Variants in EFNA3 observed in about 807,000 individuals in gnomAD.
EFNA3 encodes the protein ephrin A3.
Under a neutral mutation model 25.0 loss-of-function variants are expected in EFNA3, and 15 were observed. The observed-to-expected ratio is 0.60, with a 90% CI of 0.40 to 0.92. The LOEUF (loss-of-function observed/expected upper bound fraction) is 0.92, where lower values mean the gene tolerates loss of function less well. Among genes scored for constraint, EFNA3 ranks in the 40% least tolerant of loss-of-function variants. EFNA3 has a pLI of 0.00. For synonymous variants in EFNA3, 153 were observed against 145.6 expected (o/e 1.05, Z -0.37); for missense variants, 298 against 323.8 (o/e 0.92, Z 0.61).
Position 155,085,782 on chromosome 1 carries a change from C to A in EFNA3, c.443-95C>A. On this transcript the variant is annotated intron_variant, in intron 2 of 4. Coordinates refer to ENST00000368408, the MANE Select transcript of EFNA3 (RefSeq NM_004952.5). The surrounding 1 kb of genome is among the most constrained non-coding windows in gnomAD (Gnocchi z 4.4). Reference sequence around the variant, plus strand: ...GGAGCTCCTGAAGGAGACCGCCCGACGGGGACAGTTTGGAGGGGGTGAGAA... The same window carrying A: ...GGAGCTCCTGAAGGAGACCGCCCGAAGGGGACAGTTTGGAGGGGGTGAGAA... 2.0e-6 allele frequency: 3 copies of A among 1,467,744 alleles called. No homozygotes were observed. Among genetic ancestry groups the A allele is most frequent in the South Asian group, 1.2e-5 (1 of 81,426 alleles). The allele number at this position is 1,467,744 out of a possible 1,614,324, so 90.9% of individuals were successfully genotyped here. A position where few individuals can be genotyped will look rare whatever the true frequency, so the allele number is the denominator to read the frequency against.
chr1:155,081,805 C>T lies in EFNA3; in HGVS notation c.128+2736C>T, dbSNP rs1663347262. On this transcript the variant is annotated intron_variant, in intron 1 of 4. Coordinates refer to ENST00000368408, the MANE Select transcript of EFNA3 (RefSeq NM_004952.5). The surrounding 1 kb of genome is among the most constrained non-coding windows in gnomAD (Gnocchi z 5.2). ...CGCACTGTGTCTCCCTTCCTTTCCC[C>T]TTTCAGTGAATCCGGCCTCTGCCAC... 6.6e-6 allele frequency among the ~76,000 whole-genome samples: 1 copy of T among 152,206 alleles called. No individual in the cohort carries two copies. The highest frequency in any genetic ancestry group is 1.5e-5 in the Non-Finnish European group (1 of 68,034).
Position 155,086,562 on chromosome 1 carries a change from G to C in EFNA3, c.*19G>C, listed in dbSNP as rs200136625. On this transcript the variant is annotated 3_prime_UTR_variant, in exon 5 of 5. Transcript: ENST00000368408. ...CTCCTAGCTCTGCCCCCTCCCCTGG[G>C]GGGGGAGAGATGGGGCGGGGCTTGG... 100 of 1,612,346 alleles carry C rather than the reference G, an allele frequency of 6.2e-5. 1 individual carries two copies. The East Asian group carries it at 1.5e-3, about 25-fold the overall frequency.
chr1:155,085,622 C>T lies in EFNA3; in HGVS notation c.442+218C>T. 1.4e-6 allele frequency: 1 copy of T among 699,956 alleles called. No individual in the cohort carries two copies. Among genetic ancestry groups the T allele is most frequent in the Non-Finnish European group, 2.3e-6 (1 of 428,674 alleles). 43.4% of individuals were successfully genotyped at this position (699,956 alleles called of 1,614,324 possible). ...GTTTGGTGACAGTCCCAAGTTTGGGCTGCGGAGAATCGCTGTTTCTGTGAG... is the reference window on the plus strand; with the variant it reads ...GTTTGGTGACAGTCCCAAGTTTGGGTTGCGGAGAATCGCTGTTTCTGTGAG... On this transcript the variant is annotated intron_variant, in intron 2 of 4. Coordinates refer to ENST00000368408, the MANE Select transcript of EFNA3 (RefSeq NM_004952.5). This position sits in a 1 kb window ranked among gnomAD's most constrained non-coding sequence, Gnocchi z 4.4.
intron 1 of EFNA3, among the ~76,000 whole-genome samples, chr1:155,084,390 G>T (rs1051816398): frequency 1.6e-4 from 24 of 152,352 alleles, no homozygotes; most frequent in African/African-American, 4.1e-4. Context: ...CCAGATTGGT[G>T]GGGTCAACCA....
At chr1:155,083,818 G>A (rs979172951) in intron 1 of EFNA3, among the ~76,000 whole-genome samples, 3 of 152,208 alleles carry the variant, frequency 2.0e-5, no homozygotes, top group East Asian at 1.9e-4. Context: ...TAGGGACCCC[G>A]TGGTATGACA....
intron 1 of EFNA3, among the ~76,000 whole-genome samples, chr1:155,082,322 G>A (rs1663358356): frequency 1.3e-5 from 2 of 152,214 alleles, no homozygotes; most frequent in South Asian, 4.1e-4. Context: ...GCTGGGGGTG[G>A]AGGATGGCGA....
At position 155,086,795 on chromosome 1, in the gene EFNA3, TGGG is replaced by T. The variant is rs1309153455; in HGVS notation, c.*255_*257del. Reference sequence around the variant, plus strand: ...CTCTGGTAATGTTTGGTACCAAACTTGGGGGCCAAAAAGGGCAGTGCTCAGGAC... The same window carrying T: ...CTCTGGTAATGTTTGGTACCAAACTTGGCCAAAAAGGGCAGTGCTCAGGAC... On this transcript the variant is annotated 3_prime_UTR_variant, in exon 5 of 5. Coordinates refer to ENST00000368408, the MANE Select transcript of EFNA3 (RefSeq NM_004952.5). The T allele has an allele frequency of 4.3e-6, 2 of 469,736 alleles. No homozygotes were observed. The highest frequency in any genetic ancestry group is 7.6e-6 in the Non-Finnish European group (2 of 262,698). The allele number at this position is 469,736 out of a possible 1,614,324, so 29.1% of individuals were successfully genotyped here.
At chr1:155,086,102 C>G (rs1467370053) in intron 3 of EFNA3, 26 bp from the exon 4 acceptor site, 1 of 1,603,768 alleles carries the variant, frequency 6.2e-7, no homozygotes, top group Admixed American at 1.7e-5. Flanking sequence ...CCCCTCCTCT[C>G]TCCCCACCCG....
At position 155,080,948 on chromosome 1, in the gene EFNA3, G is replaced by A. The variant is rs1002622754; in HGVS notation, c.128+1879G>A. Among the ~76,000 whole-genome samples, 4 of 152,100 alleles carry A rather than the reference G, an allele frequency of 2.6e-5. No homozygotes were observed. Among genetic ancestry groups the A allele is most frequent in the Non-Finnish European group, 4.4e-5 (3 of 67,990 alleles). ...CGGCCCCATAAATCGTGAGAGCGAC[G>A]TGCTCCGGAGCCGAGAATGGAGAGG... On this transcript the variant is annotated intron_variant, in intron 1 of 4. Transcript: ENST00000368408. The surrounding 1 kb of genome is among the most constrained non-coding windows in gnomAD (Gnocchi z 7.0).
At position 155,085,487 on chromosome 1, in the gene EFNA3, C is replaced by G; in HGVS notation, c.442+83C>G. The stretch of plus-strand genomic sequence containing the variant: ...GGGGTGGAGCCCCTAGGCTCCGGGG[C>G]GGGGCCGGCGCGGCGGGCGCCAGGT... On this transcript the variant is annotated intron_variant, in intron 2 of 4. Coordinates refer to ENST00000368408, the MANE Select transcript of EFNA3 (RefSeq NM_004952.5). This position sits in a 1 kb window ranked among gnomAD's most constrained non-coding sequence, Gnocchi z 4.4. 1 of 1,433,028 alleles carries G rather than the reference C, an allele frequency of 7.0e-7. No homozygotes were observed. Among genetic ancestry groups the G allele is most frequent in the South Asian group, 1.5e-5 (1 of 68,226 alleles). The allele number at this position is 1,433,028 out of a possible 1,614,324, so 88.8% of individuals were successfully genotyped here.
At chr1:155,082,762 G>T (rs1437439425) in intron 1 of EFNA3, among the ~76,000 whole-genome samples, 1 of 152,090 alleles carries the variant, frequency 6.6e-6, no homozygotes, top group Non-Finnish European at 1.5e-5. Context: ...CGCGGCCCTA[G>T]AGGCGGGGTT....
At chr1:155,084,524 C>T (rs1448046805) in intron 1 of EFNA3, among the ~76,000 whole-genome samples, 1 of 152,240 alleles carries the variant, frequency 6.6e-6, no homozygotes, top group Non-Finnish European at 1.5e-5. Flanking sequence ...CATGAAGCCG[C>T]CATACATGCG....
intron 1 of EFNA3, among the ~76,000 whole-genome samples, chr1:155,082,470 G>A (rs1373374616): frequency 6.6e-6 from 1 of 152,180 alleles, no homozygotes; most frequent in Non-Finnish European, 1.5e-5. Context: ...TGCCCCCTCC[G>A]CGGACACTCC....
In EFNA3 at chr1:155,085,283, C is replaced by T. The variant is rs140391461; in HGVS notation, c.321C>T (p.Arg107=). The change falls in exon 2 of 5, where the codon CGC becomes CGT. Residue 107 remains arginine, a synonymous_variant. Coordinates refer to ENST00000368408, the MANE Select transcript of EFNA3 (RefSeq NM_004952.5). This position sits in a 1 kb window ranked among gnomAD's most constrained non-coding sequence, Gnocchi z 4.4. The part of the protein sequence containing the change: ...RTCNASQGFK[R]WECNRPHAPH... ...GCAACGCCAGCCAGGGCTTCAAGCG[C>T]TGGGAGTGCAACCGGCCGCACGCCC... The T allele has an allele frequency of 1.2e-6, 2 of 1,612,962 alleles. No homozygotes were observed. Among genetic ancestry groups the T allele is most frequent in the Non-Finnish European group, 1.7e-6 (2 of 1,179,660 alleles).
rs1241417130 is a variant in EFNA3, at chr1:155,080,748, G to A, written c.128+1679G>A. On this transcript the variant is annotated intron_variant, in intron 1 of 4. Transcript: ENST00000368408. This position sits in a 1 kb window ranked among gnomAD's most constrained non-coding sequence, Gnocchi z 7.0. ...GGTGAAAGCTCAGGGAGCGGGTGGG[G>A]GAGCCCGGGTTCCGGGAGCCTCCTT... Among the ~76,000 whole-genome samples, 2 of 152,190 alleles carry A rather than the reference G, an allele frequency of 1.3e-5. No homozygotes were observed. Among genetic ancestry groups the A allele is most frequent in the Non-Finnish European group, 2.9e-5 (2 of 68,016 alleles).
Position 155,085,325 on chromosome 1 carries a change from G to C in EFNA3, c.363G>C (p.Lys121Asn). The C allele has an allele frequency of 6.2e-7, 1 of 1,613,110 alleles. No individual in the cohort carries two copies. The highest frequency in any genetic ancestry group is 8.5e-7 in the Non-Finnish European group (1 of 1,179,576). Reference sequence around the variant, plus strand: ...CGCACGCCCCGCACAGCCCCATCAAGTTCTCGGAGAAGTTCCAGCGCTACA... The same window carrying C: ...CGCACGCCCCGCACAGCCCCATCAACTTCTCGGAGAAGTTCCAGCGCTACA... Reference protein sequence around the residue: ...NRPHAPHSPIKFSEKFQRYSA... With the variant: ...NRPHAPHSPINFSEKFQRYSA... Residue 121 changes from lysine to asparagine, a missense_variant, in exon 2 of 5, where the codon AAG (lysine) becomes AAC (asparagine). Coordinates refer to ENST00000368408, the MANE Select transcript of EFNA3 (RefSeq NM_004952.5). This position sits in a 1 kb window ranked among gnomAD's most constrained non-coding sequence, Gnocchi z 4.4.
Position 155,086,493 on chromosome 1 carries a change from C to T in EFNA3, c.667C>T (p.Pro223Ser), listed in dbSNP as rs200827058. The change falls in exon 5 of 5, where the codon CCC (proline) becomes TCC (serine). Residue 223 changes from proline (P) to serine (S), a missense_variant. Pro to Ser is a moderately conservative substitution (Grantham distance 74). Coordinates refer to ENST00000368408, the MANE Select transcript of EFNA3 (RefSeq NM_004952.5). Reference sequence around the variant, plus strand: ...GACCAGCCCCAAACGGGAACACCTGCCCCTGGCCGTGGGCATCGCCTTCTT... The same window carrying T: ...GACCAGCCCCAAACGGGAACACCTGTCCCTGGCCGTGGGCATCGCCTTCTT... ...SGTSPKREHLPLAVGIAFFLM... is the reference protein window; with the variant it reads ...SGTSPKREHLSLAVGIAFFLM... 114 of 1,614,126 alleles carry T rather than the reference C, an allele frequency of 7.1e-5. No homozygotes were observed. The highest frequency in any genetic ancestry group is 8.8e-5 in the Non-Finnish European group (104 of 1,179,986).
rs776021720 is a variant in EFNA3, at chr1:155,086,524, T to A, written c.698T>A (p.Met233Lys). The change falls in exon 5 of 5, where the codon ATG (methionine) becomes AAG (lysine). Residue 233 changes from methionine (M) to lysine (K), a missense_variant. Transcript: ENST00000368408. Reference protein sequence around the residue: ...PLAVGIAFFLMTFLAS With the variant: ...PLAVGIAFFLKTFLAS ...GCCGTGGGCATCGCCTTCTTCCTCATGACGTTCTTGGCCTCCTAGCTCTGC... is the reference window on the plus strand; with the variant it reads ...GCCGTGGGCATCGCCTTCTTCCTCAAGACGTTCTTGGCCTCCTAGCTCTGC... 3 of 1,613,878 alleles carry A rather than the reference T, an allele frequency of 1.9e-6. No homozygotes were observed. Among genetic ancestry groups the A allele is most frequent in the South Asian group, 1.1e-5 (1 of 91,072 alleles).
intron 1 of EFNA3, among the ~76,000 whole-genome samples, 195 bp from the exon 2 acceptor site, chr1:155,084,896 G>A (rs1663419255): frequency 6.6e-6 from 1 of 152,256 alleles, no homozygotes. Flanking sequence ...AGACCAAGAA[G>A]GAGGGCACGG....
Sources: allele counts gnomAD v4.1 joint callset (sites outside exome capture counted in the v4.1 genomes callset), GRCh38; gene constraint gnomAD v4.1.1; non-coding constraint Gnocchi (gnomAD v3.1); transcripts MANE v1.5; gene names NCBI Gene and HGNC (gene_info 2026-07-23, HGNC 2026-07-21).